ZFHX3: variants seen among roughly 807,000 people sequenced by gnomAD.
The protein encoded by ZFHX3 is zinc finger homeobox 3.
ZFHX3 carries 42 observed loss-of-function variants against 279.1 expected under a neutral mutation model. The ratio of observed to expected loss-of-function variants is 0.15; its 90% CI spans 0.12 to 0.19. The LOEUF (loss-of-function observed/expected upper bound fraction) is 0.19. Ranked by LOEUF, ZFHX3 falls within the 10% of genes least tolerant of loss-of-function variation. The pLI is 1.00. For missense variants in ZFHX3, 4,981 were observed against 4,754.0 expected (o/e 1.05, Z -1.40); for synonymous variants, 2,293 against 1,957.8 (o/e 1.17, Z -4.52).
intron 1 of ZFHX3, among the ~76,000 whole-genome samples, chr16:73,875,490 A>C (rs2029918511): frequency 6.6e-6 from 1 of 152,166 alleles, no homozygotes; most frequent in African/African-American, 2.4e-5. Flanking sequence ...TTTCTTATTA[A>C]AAGATTTATA....
At chr16:72,931,379 T>C (rs1335049726) in intron 3 of ZFHX3, among the ~76,000 whole-genome samples, 1 of 147,480 alleles carries the variant, frequency 6.8e-6, no homozygotes, top group Non-Finnish European at 1.5e-5. Context: ...TAATCAGAGA[T>C]TCTGGGATTA....
intron 1 of ZFHX3, among the ~76,000 whole-genome samples, chr16:73,876,188 G>T (rs1345365804): frequency 6.6e-6 from 1 of 152,210 alleles, no homozygotes; most frequent in Non-Finnish European, 1.5e-5. Flanking sequence ...GAATTCTGCA[G>T]CTGCTTATCA....
chr16:73,602,778 C>G (rs2052132940), intron 2 of ZFHX3, among the ~76,000 whole-genome samples: 1 of 149,826 alleles, frequency 6.7e-6, no homozygotes, highest in Admixed American at 6.7e-5. Context: ...AACCCCATCT[C>G]TACTAAAAAA....
At chr16:73,506,173 C>T (rs187910486) in intron 2 of ZFHX3, among the ~76,000 whole-genome samples, 84 of 152,286 alleles carry the variant, frequency 5.5e-4, no homozygotes, top group African/African-American at 1.9e-3. Context: ...CTTGCAGTCT[C>T]CTAAGTCATG....
chr16:73,856,083 A>G (rs934943846), intron 1 of ZFHX3, among the ~76,000 whole-genome samples: 3 of 152,206 alleles, frequency 2.0e-5, no homozygotes, highest in African/African-American at 4.8e-5. Context: ...ACAGCCTTAC[A>G]TTTTAAAAGC....
intron 5 of ZFHX3, among the ~76,000 whole-genome samples, chr16:73,151,349 G>A (rs934175345): frequency 1.1e-4 from 16 of 152,176 alleles, no homozygotes; most frequent in Non-Finnish European, 2.4e-4. Context: ...GAGGGGAAAG[G>A]AAGGTGTGTG....
intron 5 of ZFHX3, among the ~76,000 whole-genome samples, chr16:72,813,028 G>C (rs535266340): frequency 8.5e-5 from 13 of 152,318 alleles, no homozygotes; most frequent in Admixed American, 2.6e-4. Context: ...GCCAGGCTAA[G>C]GGTTTATCCA....
chr16:73,536,135 T>C (rs2019898342), intron 2 of ZFHX3, among the ~76,000 whole-genome samples: 1 of 152,218 alleles, frequency 6.6e-6, no homozygotes, highest in African/African-American at 2.4e-5. Flanking sequence ...TGGGGTTGGC[T>C]GGAGTTACAC....
chr16:73,271,327 T>G (rs1467492370), intron 4 of ZFHX3, among the ~76,000 whole-genome samples: 1 of 152,354 alleles, frequency 6.6e-6, no homozygotes, highest in Admixed American at 6.5e-5. Flanking sequence ...CCGATTTCAG[T>G]GTGTCCCATA....
intron 2 of ZFHX3, among the ~76,000 whole-genome samples, chr16:73,631,065 A>C (rs1237066268): frequency 1.3e-5 from 2 of 152,168 alleles, no homozygotes; most frequent in African/African-American, 4.8e-5. Flanking sequence ...GTAAGAAACC[A>C]CAGGCCTGAT....
chr16:73,563,190 G>GTA (rs2020399385), intron 2 of ZFHX3, among the ~76,000 whole-genome samples: 1 of 51,190 alleles, frequency 2.0e-5, no homozygotes, highest in Non-Finnish European at 7.7e-5. Flanking sequence ...GTGTGTGTGT[G>GTA]TGTGTGTGTG....
chr16:73,286,445 C>G (rs896655193), intron 4 of ZFHX3, among the ~76,000 whole-genome samples: 2 of 152,188 alleles, frequency 1.3e-5, no homozygotes, highest in Non-Finnish European at 2.9e-5. Flanking sequence ...ACCTTAAGTA[C>G]AAGACTTGAT....
chr16:73,040,242 C>T (rs753709103), intron 1 of ZFHX3, among the ~76,000 whole-genome samples: 12 of 151,968 alleles, frequency 7.9e-5, no homozygotes, highest in South Asian at 2.1e-4. Context: ...TGTGATGGGG[C>T]CTGCAGGTAT....
At chr16:73,671,327 G>A (rs950802606) in intron 2 of ZFHX3, among the ~76,000 whole-genome samples, 13 of 152,194 alleles carry the variant, frequency 8.5e-5, no homozygotes, top group Admixed American at 1.3e-4. Flanking sequence ...AGGGAGGAAA[G>A]CGGAGCAAAG....
chr16:73,812,358 T>C lies in ZFHX3; in HGVS notation c.-1608+79293A>G, dbSNP rs540810757. Among the ~76,000 whole-genome samples, 3 of 152,296 alleles carry C rather than the reference T, an allele frequency of 2.0e-5. No homozygotes were observed. The East Asian group carries it at 5.8e-4, about 29-fold the overall frequency. ...TGTCCTCCTGGCATAATAAATTTCT[T>C]TTCTTTCCTTTCTCCCATTACACTG... On this transcript the variant is annotated intron_variant, in intron 1 of 17. Transcript: ENST00000641206.
At position 73,648,793 on chromosome 16, in the gene ZFHX3, T is replaced by C. The variant is rs181125637; in HGVS notation, c.-1547+31387A>G. 3.0e-3 allele frequency among the ~76,000 whole-genome samples: 457 copies of C among 152,336 alleles called. 1 individual carries two copies. The highest frequency in any genetic ancestry group is 5.2e-3 in the Admixed American group (79 of 15,300). On this transcript the variant is annotated intron_variant, in intron 2 of 17. Transcript: ENST00000641206. ...TGATAGTCTAAGGTTTCCACAGTTG[T>C]TTATAATCTCTTGATTAAAAATATC...
chr16:73,155,777 C>T (rs928100305), intron 5 of ZFHX3, among the ~76,000 whole-genome samples: 8 of 151,778 alleles, frequency 5.3e-5, no homozygotes, highest in Admixed American at 4.6e-4. Context: ...GAGCCGAGAT[C>T]GCGCCATTGC....
Position 73,563,170 on chromosome 16 carries a change from TTGTGTGTGTGTGTGTGTG to T in ZFHX3, c.-1546-106930_-1546-106913del, listed in dbSNP as rs200933190. On this transcript the variant is annotated intron_variant, in intron 2 of 17. Coordinates refer to the ZFHX3 transcript ENST00000641206. ...GTCTTTTTTTGTTTTTTTTGTTTTGTTGTGTGTGTGTGTGTGTGTGTGTGTGTGTGTGTGTGTGTGTGT... is the reference window on the plus strand; with the variant it reads ...GTCTTTTTTTGTTTTTTTTGTTTTGTTGTGTGTGTGTGTGTGTGTGTGTGT... Among the ~76,000 whole-genome samples, 718 of 134,946 alleles carry T rather than the reference TTGTGTGTGTGTGTGTGTG, an allele frequency of 5.3e-3. 8 individuals carry two copies. Among genetic ancestry groups the T allele is most frequent in the African/African-American group, 0.018 (612 of 34,822 alleles). 88.5% of individuals were successfully genotyped at this position (134,946 alleles called of 152,430 possible). A position where few individuals can be genotyped will look rare whatever the true frequency, so the allele number is the denominator to read the frequency against.
intron 2 of ZFHX3, among the ~76,000 whole-genome samples, chr16:73,595,265 T>C (rs542824371): frequency 5.9e-5 from 9 of 152,260 alleles, no homozygotes; most frequent in Middle Eastern, 6.8e-3. Flanking sequence ...TCCACTCTCT[T>C]CTTCCGGGTC....
Sources: allele counts gnomAD v4.1 joint callset (sites outside exome capture counted in the v4.1 genomes callset), GRCh38; gene constraint gnomAD v4.1.1; transcripts MANE v1.5; gene names NCBI Gene and HGNC (gene_info 2026-07-23, HGNC 2026-07-21).